PLGRKT: variants seen among roughly 807,000 people sequenced by gnomAD.
PLGRKT encodes the protein plasminogen receptor (KT).
Under a neutral mutation model 18.5 loss-of-function variants are expected in PLGRKT, and 22 were observed. The ratio of observed to expected loss-of-function variants is 1.19; its 90% CI spans 0.85 to 1.70. The LOEUF is 1.70. PLGRKT is among the 40% of genes most tolerant of loss of function. The pLI is 0.00. For missense variants in PLGRKT, 235 were observed against 174.4 expected, an observed-to-expected ratio of 1.35 and a Z score of -1.96; for synonymous variants, 72 against 52.8, an observed-to-expected ratio of 1.36 and a Z score of -1.58.
intron 3 of PLGRKT, among the ~76,000 whole-genome samples, chr9:5,363,638 G>A (rs1046430404): frequency 3.3e-5 from 5 of 152,102 alleles, no homozygotes; most frequent in African/African-American, 4.8e-5. Context: ...CAGGAAGCAG[G>A]GCCATAATTC....
intron 3 of PLGRKT, among the ~76,000 whole-genome samples, chr9:5,409,295 G>C (rs937473214): frequency 2.1e-4 from 32 of 152,182 alleles, no homozygotes; most frequent in Non-Finnish European, 4.4e-5. Context: ...CCTTAATCTG[G>C]ATGGGCACCA....
At chr9:5,394,168 C>T (rs1187971631) in intron 3 of PLGRKT, among the ~76,000 whole-genome samples, 2 of 151,816 alleles carry the variant, frequency 1.3e-5, no homozygotes, top group Non-Finnish European at 1.5e-5. Flanking sequence ...ATGATCTAGA[C>T]TTTTTGATGT....
At chr9:5,424,378 TATAAC>T (rs1455215685) in intron 3 of PLGRKT, among the ~76,000 whole-genome samples, 3 of 131,960 alleles carry the variant, frequency 2.3e-5, no homozygotes, top group Non-Finnish European at 4.6e-5. Flanking sequence ...TGTAATAATA[TATAAC>T]ATATTATAAA....
intron 3 of PLGRKT, among the ~76,000 whole-genome samples, chr9:5,365,279 G>A (rs1291130619): frequency 6.6e-6 from 1 of 152,050 alleles, no homozygotes; most frequent in African/African-American, 2.4e-5. Flanking sequence ...GGGACACAGG[G>A]GTCAATCTGA....
At chr9:5,368,394 T>G (rs1817441961) in intron 3 of PLGRKT, among the ~76,000 whole-genome samples, 1 of 152,224 alleles carries the variant, frequency 6.6e-6, no homozygotes, top group Non-Finnish European at 1.5e-5. Context: ...TGGAATACTA[T>G]GCAGCCATAA....
intron 3 of PLGRKT, among the ~76,000 whole-genome samples, chr9:5,425,299 C>T (rs1163940414): frequency 2.0e-5 from 3 of 152,154 alleles, no homozygotes; most frequent in Non-Finnish European, 2.9e-5. Context: ...ATCCACCATC[C>T]TAACACAGGC....
intron 3 of PLGRKT, among the ~76,000 whole-genome samples, chr9:5,379,984 C>T (rs111582595): frequency 1.1e-3 from 165 of 152,176 alleles, no homozygotes; most frequent in Admixed American, 1.8e-3. Context: ...TGTAATTGAA[C>T]GAAACTGGGG....
At chr9:5,386,540 G>A (rs1356520981) in intron 3 of PLGRKT, among the ~76,000 whole-genome samples, 2 of 151,794 alleles carry the variant, frequency 1.3e-5, no homozygotes, top group Admixed American at 6.6e-5. Flanking sequence ...TGTCAATAGT[G>A]TTGTGGTTGA....
chr9:5,365,738 A>G (rs975356546), intron 3 of PLGRKT, among the ~76,000 whole-genome samples: 1 of 152,220 alleles, frequency 6.6e-6, no homozygotes, highest in Non-Finnish European at 1.5e-5. Flanking sequence ...TGGTAATGGT[A>G]AGATGTTAAC....
intron 3 of PLGRKT, among the ~76,000 whole-genome samples, chr9:5,392,898 G>C (rs1323061681): frequency 1.3e-5 from 2 of 151,648 alleles, no homozygotes; most frequent in Non-Finnish European, 1.5e-5. Flanking sequence ...CTGGAGTGCA[G>C]TGGTGCAGTC....
chr9:5,433,959 G>A (rs967797842), intron 2 of PLGRKT, among the ~76,000 whole-genome samples: 3 of 128,478 alleles, frequency 2.3e-5, no homozygotes, highest in African/African-American at 9.1e-5. Context: ...CCCCGTCTGG[G>A]AGGAAGTGAG....
rs529379276 is a variant in PLGRKT at position 5,420,725 on chromosome 9, C to T, written c.81+11172G>A. ...GATTGTGCTGCTTTCTTCTCCTCCA[C>T]CTACTCTACATTCTGGTTCCTTGTC... is the stretch of plus-strand genomic sequence containing the variant. On this transcript the variant is annotated intron_variant, in intron 3 of 5. Transcript: ENST00000223864. Among the ~76,000 whole-genome samples, 7 of 152,314 alleles carry T rather than the reference C, an allele frequency of 4.6e-5. No individual in the cohort carries two copies. The East Asian group carries it at 9.6e-4, about 21-fold the overall frequency.
chr9:5,390,399 G>A (rs1817927121), intron 3 of PLGRKT, among the ~76,000 whole-genome samples: 1 of 151,746 alleles, frequency 6.6e-6, no homozygotes, highest in African/African-American at 2.4e-5. Flanking sequence ...CACAGGAGAG[G>A]CCAAACAGAG....
intron 3 of PLGRKT, among the ~76,000 whole-genome samples, chr9:5,378,211 A>G (rs1817668990): frequency 6.6e-6 from 1 of 152,234 alleles, no homozygotes; most frequent in Non-Finnish European, 1.5e-5. Flanking sequence ...ATAAAGGTGC[A>G]TAAAGAGAAC....
intron 3 of PLGRKT, among the ~76,000 whole-genome samples, chr9:5,383,909 G>C (rs1368047985): frequency 6.6e-6 from 1 of 152,204 alleles, no homozygotes; most frequent in Admixed American, 6.5e-5. Flanking sequence ...TATTGAGCCA[G>C]GGAATGGAGG....
chr9:5,419,083 A>G (rs754669834), intron 3 of PLGRKT: 1 of 271,074 alleles, frequency 3.7e-6, no homozygotes, highest in Non-Finnish European at 7.3e-6. Context: ...GAGCTCAGAC[A>G]TCCAGCACTC....
intron 3 of PLGRKT, among the ~76,000 whole-genome samples, chr9:5,395,907 T>TC (rs980533414): frequency 6.9e-6 from 1 of 144,526 alleles, no homozygotes; most frequent in Non-Finnish European, 1.5e-5. Context: ...TTTTTTTTTT[T>TC]TCCTGAGACA....
chr9:5,423,869 A>ATATATATGTATAATATATAT (rs71326162), intron 3 of PLGRKT, among the ~76,000 whole-genome samples: 44,225 of 143,728 alleles, frequency 0.31, 7,318 homozygotes, highest in African/African-American at 0.42. Flanking sequence ...TGCCCAGCTA[A>ATATATATGTATAATATATAT]TATATATGTA....
At chr9:5,411,069 A>G (rs1818353087) in intron 3 of PLGRKT, among the ~76,000 whole-genome samples, 1 of 152,144 alleles carries the variant, frequency 6.6e-6, no homozygotes. Context: ...AGCAAATAAG[A>G]GAAAAGAAAG....
Sources: gnomAD v4.1 joint callset for allele counts (sites outside exome capture counted in the v4.1 genomes callset) on GRCh38, gnomAD v4.1.1 for gene constraint, MANE v1.5 for transcripts, NCBI Gene and HGNC (gene_info 2026-07-23, HGNC 2026-07-21) for gene names.